ARID3C: variants seen among roughly 807,000 people sequenced by gnomAD.
ARID3C encodes AT-rich interactive domain-containing protein 3C.
A neutral mutation model predicts 37.9 loss-of-function variants in ARID3C; 42 were observed. The ratio of observed to expected loss-of-function variants is 1.11; its 90% CI spans 0.87 to 1.43. The LOEUF is 1.43. Among genes scored for constraint, ARID3C ranks in the 40% most tolerant of loss-of-function variants. The pLI, the probability that ARID3C is intolerant of heterozygous loss-of-function variation, is 0.00. For missense variants in ARID3C, 581 were observed against 548.8 expected (o/e 1.06, Z -0.59); for synonymous variants, 213 against 228.0 (o/e 0.93, Z 0.59).
At chr9:34,624,083 C>T (rs1198025168) in intron 2 of ARID3C, 36 bp from the exon 4 acceptor site, 9 of 1,539,818 alleles carry the variant, frequency 5.8e-6, no homozygotes, top group Non-Finnish European at 7.0e-6. Flanking sequence ...GACACTGAGA[C>T]GAAGACCCTG....
chr9:34,622,223 C>T lies in ARID3C; in HGVS notation c.1049-114G>A, dbSNP rs551152965. ...GCCCCCATTCCACTTCAGCCCCACA[C>T]CTATACTCACACAGTTGTCTACAGA... On this transcript the variant is annotated intron_variant, in intron 5 of 6. Transcript: ENST00000378909. 9.3e-5 allele frequency: 146 copies of T among 1,570,188 alleles called. No individual in the cohort carries two copies. The South Asian group carries it at 1.6e-3, about 17-fold the overall frequency.
exon 1 of ARID3C, chr9:34,627,944 G>C: frequency 6.5e-7 from 1 of 1,549,990 alleles, no homozygotes; most frequent in East Asian, 2.4e-5. Context: ...TGGCAGCAGC[G>C]GGCATGCAGG....
Position 34,624,051 on chromosome 9 carries a change from G to T in ARID3C, c.392-4C>A. On this transcript the variant is annotated splice_region_variant and splice_polypyrimidine_tract_variant and intron_variant, in intron 2 of 6. Coordinates refer to ENST00000378909, the Ensembl canonical transcript of ARID3C. ...GGCACGCGGTTCACTGGCGTCCCTG[G>T]TGGGGAGCGGGCTGCCGTCAGGACA... 2 of 1,578,434 alleles carry T rather than the reference G, an allele frequency of 1.3e-6. No homozygotes were observed. The highest frequency in any genetic ancestry group is 1.1e-5 in the South Asian group (1 of 87,994).
At chr9:34,627,837 C>T in exon 1 of ARID3C, 1 of 1,608,810 alleles carries the variant, frequency 6.2e-7, no homozygotes, top group Non-Finnish European at 8.5e-7. Flanking sequence ...CGCTTCTCCT[C>T]ATCTTCTTCA....
At chr9:34,621,635 C>G in intron 6 of ARID3C, 77 bp from the exon 8 acceptor site, 1 of 1,070,598 alleles carries the variant, frequency 9.3e-7, no homozygotes, top group South Asian at 1.5e-5. Context: ...AAGAGGGGAA[C>G]AAAAGTAAGT....
At chr9:34,628,912 C>T (rs1339930406), upstream of ARID3C, among the ~76,000 whole-genome samples, 1 of 152,094 alleles carries the variant, frequency 6.6e-6, no homozygotes, top group Non-Finnish European at 1.5e-5. The surrounding 1 kb of genome is among the most constrained non-coding windows in gnomAD (Gnocchi z 5.2). Context: ...CGCGGCCGCA[C>T]TCACCTGCCT....
At chr9:34,631,261 G>A (rs72737127), upstream of ARID3C, among the ~76,000 whole-genome samples, 13,060 of 152,196 alleles carry the variant, frequency 0.086, 752 homozygotes, top group Non-Finnish European at 0.13. Context: ...GTAAGGGGCT[G>A]GGCAGTCACT....
rs186440798 is a variant in ARID3C at position 34,623,085 on chromosome 9, G to A, written c.865+340C>T. Reference sequence around the variant, plus strand: ...CGCTTGAACCCGGGAGGCGGAGGTTGCCGTGAGCTGAGATCGCGCCACTGC... The same window carrying A: ...CGCTTGAACCCGGGAGGCGGAGGTTACCGTGAGCTGAGATCGCGCCACTGC... On this transcript the variant is annotated intron_variant, in intron 4 of 6. Transcript: ENST00000378909. 4.8e-3 allele frequency among the ~76,000 whole-genome samples: 708 copies of A among 148,982 alleles called. 2 individuals are homozygous for A. Among genetic ancestry groups the A allele is most frequent in the Non-Finnish European group, 8.5e-3 (574 of 67,602 alleles).
chr9:34,631,511 A>G (rs2132317998), upstream of ARID3C, among the ~76,000 whole-genome samples: 1 of 152,218 alleles, frequency 6.6e-6, no homozygotes, highest in Middle Eastern at 3.4e-3. Flanking sequence ...ACACATATTT[A>G]TTATCTATTT....
downstream of ARID3C, among the ~76,000 whole-genome samples, chr9:34,621,171 C>T (rs373483631): frequency 2.8e-4 from 42 of 152,274 alleles, no homozygotes; most frequent in African/African-American, 1.0e-3. Context: ...AGGGTAGGGT[C>T]CTAGAGATGA....
exon 4 of ARID3C, chr9:34,623,510 C>T (rs1820606505): frequency 6.4e-6 from 10 of 1,561,548 alleles, no homozygotes; most frequent in Non-Finnish European, 8.6e-6. Context: ...CAGGGCTGGA[C>T]TGGGTCGCCG....
At chr9:34,624,146 A>G in intron 2 of ARID3C, 99 bp from the exon 4 acceptor site, 3 of 1,395,278 alleles carry the variant, frequency 2.2e-6, no homozygotes, top group Non-Finnish European at 2.9e-6. Flanking sequence ...GGAGGGCGGG[A>G]AAGAGGGAGA....
chr9:34,623,343 C>G, intron 4 of ARID3C, 82 bp downstream of exon 5: 1 of 1,426,350 alleles, frequency 7.0e-7, no homozygotes. Context: ...AGACCTCAAT[C>G]CTCACATTTT....
chr9:34,625,818 G>T lies in ARID3C; in HGVS notation c.319-4C>A, dbSNP rs577455209. 5 of 1,613,882 alleles carry T rather than the reference G, an allele frequency of 3.1e-6. No homozygotes were observed. The African/African-American group carries it at 6.7e-5, about 22-fold the overall frequency. Reference sequence around the variant, plus strand: ...GGTCTGCATCGAGCTCATACAGCTGGGGAAGGATTGGGGTCATTCTACAGC... The same window carrying T: ...GGTCTGCATCGAGCTCATACAGCTGTGGAAGGATTGGGGTCATTCTACAGC... On this transcript the variant is annotated splice_polypyrimidine_tract_variant and splice_region_variant and intron_variant, in intron 1 of 6. Coordinates refer to ENST00000378909, the Ensembl canonical transcript of ARID3C.
intron 2 of ARID3C, among the ~76,000 whole-genome samples, 172 bp from the exon 4 acceptor site, chr9:34,624,219 C>CG (rs1554706633): frequency 0.038 from 5,687 of 150,002 alleles, 146 homozygotes; most frequent in South Asian, 0.1. Context: ...GAGGCTAGAA[C>CG]GGGGGGGGGC....
At chr9:34,623,167 A>G (rs1360229426) in intron 4 of ARID3C, among the ~76,000 whole-genome samples, 6 of 151,438 alleles carry the variant, frequency 4.0e-5, no homozygotes, top group African/African-American at 1.5e-4. Flanking sequence ...AAAAAAAGAA[A>G]AAAAGAAAAA....
upstream of ARID3C, among the ~76,000 whole-genome samples, chr9:34,631,053 G>A (rs1347741690): frequency 6.6e-6 from 1 of 152,184 alleles, no homozygotes; most frequent in Admixed American, 6.5e-5. Flanking sequence ...TGGAAGACTG[G>A]AGAGCAGAGG....
At chr9:34,630,321 G>C (rs968201441), upstream of ARID3C, among the ~76,000 whole-genome samples, 8 of 152,016 alleles carry the variant, frequency 5.3e-5, no homozygotes, top group Admixed American at 1.3e-4. Context: ...CAGAATTTCT[G>C]CTCTGAACAG....
chr9:34,630,128 G>A (rs1282662014), upstream of ARID3C, among the ~76,000 whole-genome samples: 1 of 152,186 alleles, frequency 6.6e-6, no homozygotes, highest in African/African-American at 2.4e-5. Context: ...ACTCATCATA[G>A]GTTTGTTTCA....
Sources: gnomAD v4.1 joint callset for allele counts (sites outside exome capture counted in the v4.1 genomes callset) on GRCh38, gnomAD v4.1.1 for gene constraint, Gnocchi (gnomAD v3.1) non-coding constraint, MANE v1.5 for transcripts, NCBI Gene and HGNC (gene_info 2026-07-23, HGNC 2026-07-21) for gene names.